The following TAFA4 variants were observed in gnomAD, a reference collection of about 807,000 sequenced individuals.
The protein encoded by TAFA4 is TAFA chemokine like family member 4.
TAFA4 carries 20 observed loss-of-function variants against 21.1 expected under a neutral mutation model. The observed-to-expected ratio is 0.95, with a 90% CI of 0.67 to 1.38. TAFA4 has a LOEUF of 1.38. TAFA4 is among the 40% of genes most tolerant of loss of function. The probability of loss-of-function intolerance (pLI) is 0.00; values close to 1 mark genes in which losing one functional copy is unlikely to be tolerated. For missense variants in TAFA4, 211 were observed against 180.9 expected (o/e 1.17, Z -0.95); for synonymous variants, 71 against 67.4 (o/e 1.05, Z -0.26).
At position 68,803,002 on chromosome 3, in the gene TAFA4, A is replaced by T. The variant is rs17048001; in HGVS notation, c.131-49984T>A. On this transcript the variant is annotated intron_variant, in intron 3 of 5. Coordinates refer to ENST00000295569, the MANE Select transcript of TAFA4 (RefSeq NM_182522.5). ...CAATCCAAGAGAGAACTCTCAGAAG[A>T]CGGTTTGTTCTAGCTTTTTTTCCCT... is the stretch of plus-strand genomic sequence containing the variant. 9.1e-3 allele frequency among the ~76,000 whole-genome samples: 1,390 copies of T among 152,282 alleles called. 26 individuals carry two copies. The highest frequency in any genetic ancestry group is 0.032 in the African/African-American group (1,347 of 41,558).
intron 3 of TAFA4, among the ~76,000 whole-genome samples, chr3:68,808,236 C>G (rs555581427): frequency 6.6e-6 from 1 of 152,100 alleles, no homozygotes; most frequent in East Asian, 1.9e-4. Context: ...CATGAGCAAG[C>G]CCCTAAAAAT....
intron 3 of TAFA4, among the ~76,000 whole-genome samples, chr3:68,874,236 A>G (rs2089520605): frequency 6.6e-6 from 1 of 152,150 alleles, no homozygotes; most frequent in Non-Finnish European, 1.5e-5. Context: ...AATTGTTTTT[A>G]ACTCTTGCAA....
chr3:68,832,569 G>A (rs1704425183), intron 3 of TAFA4, among the ~76,000 whole-genome samples: 1 of 152,182 alleles, frequency 6.6e-6, no homozygotes, highest in African/African-American at 2.4e-5. Flanking sequence ...TCATCCCAGA[G>A]GGGCACCCAC....
At chr3:68,735,083 T>C (rs540225407) in intron 5 of TAFA4, among the ~76,000 whole-genome samples, 110 of 152,264 alleles carry the variant, frequency 7.2e-4, no homozygotes, top group African/African-American at 2.5e-3. Context: ...TTCCCATTCA[T>C]CAGGGTACCC....
chr3:68,858,470 C>G (rs1480702713), intron 3 of TAFA4, among the ~76,000 whole-genome samples: 1 of 151,896 alleles, frequency 6.6e-6, no homozygotes, highest in African/African-American at 2.4e-5. Context: ...GAAGAGAAAT[C>G]ATCACTTTAC....
At chr3:68,797,211 G>T (rs1244689249) in intron 3 of TAFA4, among the ~76,000 whole-genome samples, 4 of 152,108 alleles carry the variant, frequency 2.6e-5, no homozygotes, top group Non-Finnish European at 5.9e-5. Context: ...TATTCATAGT[G>T]ATATTATTGC....
chr3:68,884,465 A>G (rs2089651003), intron 2 of TAFA4, among the ~76,000 whole-genome samples: 1 of 152,080 alleles, frequency 6.6e-6, no homozygotes, highest in Non-Finnish European at 1.5e-5. Flanking sequence ...CTGCCTCCCC[A>G]CGGTCTAACT....
At chr3:68,832,218 C>T (rs1360040518) in intron 3 of TAFA4, among the ~76,000 whole-genome samples, 1 of 152,140 alleles carries the variant, frequency 6.6e-6, no homozygotes, top group Non-Finnish European at 1.5e-5. Flanking sequence ...GTTTTGTTCC[C>T]TTGCTGGTGA....
chr3:68,763,715 A>G (rs920489151), intron 3 of TAFA4, among the ~76,000 whole-genome samples: 1 of 152,102 alleles, frequency 6.6e-6, no homozygotes, highest in Non-Finnish European at 1.5e-5. Flanking sequence ...CAGTTTTCTT[A>G]ATCAGAAGTC....
intron 4 of TAFA4, among the ~76,000 whole-genome samples, chr3:68,743,884 T>G (rs554453252): frequency 6.4e-4 from 98 of 152,334 alleles, no homozygotes; most frequent in African/African-American, 2.3e-3. Flanking sequence ...ATTAGGAAGT[T>G]CTACATAGAG....
At chr3:68,797,011 G>A (rs1013433229) in intron 3 of TAFA4, among the ~76,000 whole-genome samples, 1 of 152,294 alleles carries the variant, frequency 6.6e-6, no homozygotes, top group Non-Finnish European at 1.5e-5. Flanking sequence ...GTGTTGTTGA[G>A]GATGTGGAGA....
intron 1 of TAFA4, among the ~76,000 whole-genome samples, chr3:68,922,386 T>C (rs1247887214): frequency 1.3e-5 from 2 of 152,142 alleles, no homozygotes; most frequent in African/African-American, 4.8e-5. Flanking sequence ...ATACTGGAAT[T>C]TGGGGACCGG....
At chr3:68,882,659 A>G (rs1217690117) in intron 2 of TAFA4, among the ~76,000 whole-genome samples, 1 of 152,258 alleles carries the variant, frequency 6.6e-6, no homozygotes, top group African/African-American at 2.4e-5. Context: ...TGTGTGAGAC[A>G]GAGTGTTACA....
chr3:68,834,156 T>TG (rs1314744050), intron 3 of TAFA4, among the ~76,000 whole-genome samples: 9 of 152,166 alleles, frequency 5.9e-5, no homozygotes, highest in Admixed American at 5.9e-4. Context: ...GATCATTCCC[T>TG]GGAAGGATCC....
chr3:68,873,337 TACACAC>T (rs34998311), intron 3 of TAFA4, among the ~76,000 whole-genome samples: 8,348 of 133,462 alleles, frequency 0.063, 293 homozygotes, highest in Middle Eastern at 0.1. Flanking sequence ...CACGCAGACA[TACACAC>T]ACACACACAC....
chr3:68,818,328 G>T (rs147866421), intron 3 of TAFA4, among the ~76,000 whole-genome samples: 1,778 of 152,258 alleles, frequency 0.012, 41 homozygotes, highest in African/African-American at 0.04. Context: ...GTTGAGGCTG[G>T]TTTGATCTAT....
At chr3:68,902,897 C>G (rs1468495356) in intron 1 of TAFA4, among the ~76,000 whole-genome samples, 1 of 152,098 alleles carries the variant, frequency 6.6e-6, no homozygotes, top group Admixed American at 6.5e-5. Flanking sequence ...AACCTGACAA[C>G]CCAAGTTAGT....
chr3:68,898,837 T>C (rs2089817906), intron 1 of TAFA4, among the ~76,000 whole-genome samples: 1 of 152,156 alleles, frequency 6.6e-6, no homozygotes, highest in South Asian at 2.1e-4. Flanking sequence ...TATACAATAT[T>C]AGTGGTAGAC....
chr3:68,781,003 C>T (rs1056088167), intron 3 of TAFA4, among the ~76,000 whole-genome samples: 7 of 151,616 alleles, frequency 4.6e-5, no homozygotes, highest in African/African-American at 1.7e-4. Context: ...TTGGAAAAAT[C>T]CAAACTATTG....
Sources: allele counts gnomAD v4.1 joint callset (sites outside exome capture counted in the v4.1 genomes callset), GRCh38; gene constraint gnomAD v4.1.1; transcripts MANE v1.5; gene names NCBI Gene and HGNC (gene_info 2026-07-23, HGNC 2026-07-21).